Variants in STX18 observed in about 807,000 individuals in gnomAD.
STX18 encodes syntaxin-18.
A neutral mutation model predicts 50.1 loss-of-function variants in STX18; 40 were observed. That is an observed-to-expected ratio of 0.80 (90% confidence interval 0.62 to 1.04). STX18 has a LOEUF of 1.04. Among genes scored for constraint, STX18 ranks in the 50% least tolerant of loss-of-function variants. STX18 has a pLI of 0.00. For synonymous variants in STX18, 158 were observed against 151.8 expected, an observed-to-expected ratio of 1.04 and a Z score of -0.30; for missense variants, 410 against 415.8, an observed-to-expected ratio of 0.99 and a Z score of 0.12.
intron 2 of STX18, among the ~76,000 whole-genome samples, chr4:4,467,205 T>C (rs1727657313): frequency 6.6e-6 from 1 of 152,180 alleles, no homozygotes; most frequent in South Asian, 2.1e-4. Flanking sequence ...ATTTCTAATC[T>C]CGTGGCTAAT....
chr4:4,438,406 C>A lies in STX18; in HGVS notation c.601G>T (p.Glu201Ter). 1 of 1,611,364 alleles carries A rather than the reference C, an allele frequency of 6.2e-7. No individual in the cohort carries two copies. The highest frequency in any genetic ancestry group is 8.5e-7 in the Non-Finnish European group (1 of 1,178,792). ...SKDSEENPAT[E>*]ERPEKILAET... ...TCTCAATTCGTACCTGGACGTTCTT[C>A]AGTGGCAGGGTTTTCTTCAGAGTCT... Residue 201 changes from glutamate (E) to a stop codon, truncating the protein, a stop_gained, in exon 6 of 11, where the codon GAA (glutamate) becomes TAA (stop). Transcript: ENST00000306200. LOFTEE classifies it high-confidence loss of function.
At chr4:4,446,010 G>C (rs1482901072) in intron 5 of STX18, among the ~76,000 whole-genome samples, 1 of 152,144 alleles carries the variant, frequency 6.6e-6, no homozygotes, top group African/African-American at 2.4e-5. Context: ...ATAGAGTCCA[G>C]AAACAGACAT....
At chr4:4,469,156 T>C (rs1727780370) in intron 2 of STX18, among the ~76,000 whole-genome samples, 2 of 152,142 alleles carry the variant, frequency 1.3e-5, no homozygotes, top group Admixed American at 6.5e-5. Context: ...CCGAGCCATA[T>C]GGTTGGCGCA....
intron 1 of STX18, among the ~76,000 whole-genome samples, chr4:4,527,867 C>CACACATATATATATATATATATAT (rs372566368): frequency 8.7e-5 from 12 of 137,206 alleles, no homozygotes; most frequent in African/African-American, 3.2e-4. Flanking sequence ...CACACACACA[C>CACACATATATATATATATATATAT]ATATATATAT....
intron 1 of STX18, among the ~76,000 whole-genome samples, chr4:4,501,352 C>T (rs892214131): frequency 1.7e-4 from 26 of 152,314 alleles, no homozygotes; most frequent in Middle Eastern, 6.8e-3. Context: ...GGCAGGCAGG[C>T]CACACTCCAG....
rs546114663 is a variant in STX18 at position 4,517,974 on chromosome 4, C to A, written c.168+23823G>T. ...ATTTTTAGTAGAGACGAGGTTTCAC[C>A]ATGTTGGCCAGGCTGGTCTCAAACT... On this transcript the variant is annotated intron_variant, in intron 1 of 10. Coordinates refer to ENST00000306200, the MANE Select transcript of STX18 (RefSeq NM_016930.4). 2.6e-5 allele frequency among the ~76,000 whole-genome samples: 4 copies of A among 152,224 alleles called. No homozygotes were observed. The East Asian group carries it at 7.7e-4, about 29-fold the overall frequency.
At chr4:4,478,779 G>A (rs1017927744) in intron 1 of STX18, 5 of 152,358 alleles carry the variant, frequency 3.3e-5, no homozygotes, top group Non-Finnish European at 5.9e-5. Flanking sequence ...GAGGGAAGAG[G>A]AGAGAGCTGT....
At chr4:4,421,324 CTT>C (rs34959206) in intron 9 of STX18, among the ~76,000 whole-genome samples, 43 of 146,478 alleles carry the variant, frequency 2.9e-4, no homozygotes, top group African/African-American at 8.7e-4. Flanking sequence ...AGGACTGAGA[CTT>C]TTTTTTTTTT....
intron 5 of STX18, among the ~76,000 whole-genome samples, chr4:4,456,660 C>T (rs1452752210): frequency 6.6e-6 from 1 of 152,176 alleles, no homozygotes; most frequent in Non-Finnish European, 1.5e-5. Flanking sequence ...GCACTCAGAG[C>T]ATGTGGCATC....
chr4:4,500,182 A>G (rs904703680), intron 1 of STX18, among the ~76,000 whole-genome samples: 8 of 152,340 alleles, frequency 5.3e-5, no homozygotes, highest in African/African-American at 1.9e-4. Context: ...TAAGGAGGAA[A>G]ATAAAATCAG....
intron 1 of STX18, among the ~76,000 whole-genome samples, chr4:4,476,752 T>C (rs1195050485): frequency 6.6e-6 from 1 of 152,144 alleles, no homozygotes; most frequent in Non-Finnish European, 1.5e-5. Flanking sequence ...ATGCCCAGGA[T>C]TTGCTTCACA....
chr4:4,437,621 G>A, intron 6 of STX18: 2 of 985,332 alleles, frequency 2.0e-6, no homozygotes, highest in Non-Finnish European at 2.4e-6. Context: ...CTAGCATCTG[G>A]AAGACAAGAG....
At chr4:4,443,744 C>T (rs1334723026) in intron 5 of STX18, among the ~76,000 whole-genome samples, 2 of 152,046 alleles carry the variant, frequency 1.3e-5, no homozygotes, top group South Asian at 2.1e-4. Flanking sequence ...ATTTGAAAAT[C>T]GATCAATGTA....
intron 1 of STX18, among the ~76,000 whole-genome samples, chr4:4,535,613 C>T (rs1344898886): frequency 6.6e-6 from 1 of 152,184 alleles, no homozygotes. Context: ...CCAAACCTCT[C>T]ACTCCAGCTT....
At chr4:4,449,042 CTTT>C (rs34106688) in intron 5 of STX18, among the ~76,000 whole-genome samples, 4 of 110,180 alleles carry the variant, frequency 3.6e-5, no homozygotes, top group Admixed American at 9.4e-5. Context: ...GGACCCCATT[CTTT>C]TTTTTTTTTT....
intron 1 of STX18, among the ~76,000 whole-genome samples, chr4:4,534,813 A>G (rs1404678655): frequency 3.3e-5 from 5 of 152,288 alleles, no homozygotes; most frequent in African/African-American, 9.6e-5. Context: ...CTGCTGCTAC[A>G]GCATGAAAGC....
At chr4:4,530,495 G>A (rs985879593) in intron 1 of STX18, among the ~76,000 whole-genome samples, 5 of 151,718 alleles carry the variant, frequency 3.3e-5, no homozygotes, top group Non-Finnish European at 5.9e-5. Flanking sequence ...TCTATGTAAG[G>A]TACTTGTGAC....
chr4:4,465,111 G>A (rs575449696), intron 2 of STX18, among the ~76,000 whole-genome samples: 1 of 152,224 alleles, frequency 6.6e-6, no homozygotes, highest in South Asian at 2.1e-4. Flanking sequence ...CTGCATCCCA[G>A]AGATTCTGGT....
At chr4:4,465,570 A>G (rs1381112384) in intron 2 of STX18, among the ~76,000 whole-genome samples, 1 of 152,170 alleles carries the variant, frequency 6.6e-6, no homozygotes, top group African/African-American at 2.4e-5. Context: ...ACGCATGGAC[A>G]TGAGGCGGTG....
Sources: allele counts gnomAD v4.1 joint callset (sites outside exome capture counted in the v4.1 genomes callset), GRCh38; gene constraint gnomAD v4.1.1; transcripts MANE v1.5; gene names NCBI Gene and HGNC (gene_info 2026-07-23, HGNC 2026-07-21).